NEGR1: variants seen among roughly 807,000 people sequenced by gnomAD.
NEGR1 encodes neuronal growth regulator 1.
A neutral mutation model predicts 40.9 loss-of-function variants in NEGR1; 10 were observed. The ratio of observed to expected loss-of-function variants is 0.24; its 90% CI spans 0.15 to 0.42. The LOEUF (loss-of-function observed/expected upper bound fraction) is 0.42. Among genes scored for constraint, NEGR1 ranks in the 10% least tolerant of loss-of-function variants. NEGR1 has a pLI of 1.00. For synonymous variants in NEGR1, 185 were observed against 166.8 expected (o/e 1.11, Z -0.84); for missense variants, 352 against 438.9 (o/e 0.80, Z 1.77).
At chr1:71,575,770 G>C (rs559364657) in intron 6 of NEGR1, among the ~76,000 whole-genome samples, 3 of 151,856 alleles carry the variant, frequency 2.0e-5, no homozygotes, top group African/African-American at 7.3e-5. Flanking sequence ...GCGACAGTGC[G>C]AGACTCCGGC....
chr1:71,559,369 G>C (rs1394774578), intron 6 of NEGR1, among the ~76,000 whole-genome samples: 2 of 151,352 alleles, frequency 1.3e-5, no homozygotes, highest in South Asian at 2.1e-4. Context: ...AAGTTACTTA[G>C]ATCAGCTCCT....
intron 1 of NEGR1, among the ~76,000 whole-genome samples, chr1:72,075,616 G>A (rs1647694564): frequency 6.6e-6 from 1 of 152,128 alleles, no homozygotes; most frequent in Non-Finnish European, 1.5e-5. Context: ...CTGACCATCT[G>A]GATGAATGAA....
chr1:71,593,304 T>A (rs1233186231), intron 5 of NEGR1, among the ~76,000 whole-genome samples: 2 of 151,782 alleles, frequency 1.3e-5, no homozygotes, highest in Non-Finnish European at 2.9e-5. Flanking sequence ...CAGGAAGGAG[T>A]TTAAGGGAAA....
At chr1:71,683,867 G>T (rs1307025752) in intron 4 of NEGR1, among the ~76,000 whole-genome samples, 1 of 150,980 alleles carries the variant, frequency 6.6e-6, no homozygotes, top group Non-Finnish European at 1.5e-5. Context: ...AAGAAATTAT[G>T]ACTCTTACAA....
chr1:71,418,093 G>A (rs1177860597), intron 6 of NEGR1, among the ~76,000 whole-genome samples: 3 of 123,606 alleles, frequency 2.4e-5, no homozygotes, highest in African/African-American at 6.0e-5. Flanking sequence ...TTTTTTTTGA[G>A]GCATACCACT....
intron 1 of NEGR1, among the ~76,000 whole-genome samples, chr1:72,268,602 A>G (rs1408277764): frequency 6.6e-6 from 1 of 151,494 alleles, no homozygotes; most frequent in Non-Finnish European, 1.5e-5. Flanking sequence ...TGAACTCCTG[A>G]AATAACAGAT....
At chr1:71,618,169 G>C (rs1650501893) in intron 4 of NEGR1, among the ~76,000 whole-genome samples, 1 of 152,152 alleles carries the variant, frequency 6.6e-6, no homozygotes, top group African/African-American at 2.4e-5. Context: ...CTCCCAGCTG[G>C]TGCATGATCG....
intron 2 of NEGR1, among the ~76,000 whole-genome samples, chr1:71,848,931 A>T (rs1330716591): frequency 6.6e-6 from 1 of 152,122 alleles, no homozygotes; most frequent in African/African-American, 2.4e-5. Context: ...CTCTAATAAA[A>T]ATACAAAAAT....
chr1:71,717,820 C>T (rs1017449958), intron 3 of NEGR1, among the ~76,000 whole-genome samples: 1 of 152,024 alleles, frequency 6.6e-6, no homozygotes, highest in African/African-American at 2.4e-5. Flanking sequence ...CACTGGTATC[C>T]TTATAAAAAA....
chr1:72,268,191 T>C (rs1655716900), intron 1 of NEGR1, among the ~76,000 whole-genome samples: 1 of 151,334 alleles, frequency 6.6e-6, no homozygotes, highest in Non-Finnish European at 1.5e-5. Context: ...CCATAAATTA[T>C]AGCTATATTA....
chr1:71,819,071 C>CT (rs1446610809), intron 2 of NEGR1, among the ~76,000 whole-genome samples: 1 of 151,844 alleles, frequency 6.6e-6, no homozygotes, highest in African/African-American at 2.4e-5. Flanking sequence ...TAGTGAGGGG[C>CT]TAAAGAAAGC....
intron 2 of NEGR1, among the ~76,000 whole-genome samples, chr1:71,924,686 C>G (rs1053993695): frequency 6.6e-6 from 1 of 152,114 alleles, no homozygotes; most frequent in African/African-American, 2.4e-5. Flanking sequence ...CTAACTCTGT[C>G]CCATGTAAAG....
At chr1:71,423,245 A>G (rs2101282343) in intron 6 of NEGR1, among the ~76,000 whole-genome samples, 1 of 152,192 alleles carries the variant, frequency 6.6e-6, no homozygotes, top group East Asian at 1.9e-4. Flanking sequence ...AAAAAAATTA[A>G]AAAGTGATAT....
chr1:71,990,621 T>C (rs1646440681), intron 1 of NEGR1, among the ~76,000 whole-genome samples: 1 of 152,130 alleles, frequency 6.6e-6, no homozygotes, highest in Non-Finnish European at 1.5e-5. Flanking sequence ...TTACTCCTGG[T>C]AAAATGATGA....
At chr1:71,836,726 C>T (rs1317917986) in intron 2 of NEGR1, among the ~76,000 whole-genome samples, 4 of 152,026 alleles carry the variant, frequency 2.6e-5, no homozygotes, top group African/African-American at 9.7e-5. Flanking sequence ...GTACTCCTTG[C>T]TATTGTTAAA....
rs537227004 is a variant in NEGR1 at position 71,810,840 on chromosome 1, T to C, written c.410-34543A>G. Among the ~76,000 whole-genome samples the C allele has an allele frequency of 2.0e-5, 3 of 152,262 alleles. No homozygotes were observed. The South Asian group carries it at 6.2e-4, about 32-fold the overall frequency. On this transcript the variant is annotated intron_variant, in intron 2 of 6. Transcript: ENST00000357731. ...AAGTTTCCTGAGGCCTCCCCAGCCA[T>C]GCTTCCTGTACAGCCTGTGGAACTG...
chr1:71,674,164 T>C (rs1332392834), intron 4 of NEGR1, among the ~76,000 whole-genome samples: 1 of 152,164 alleles, frequency 6.6e-6, no homozygotes, highest in Non-Finnish European at 1.5e-5. Context: ...GATATATTCT[T>C]CCCAGGTTGT....
intron 2 of NEGR1, among the ~76,000 whole-genome samples, chr1:71,841,180 C>T (rs913024056): frequency 1.3e-5 from 2 of 152,116 alleles, no homozygotes; most frequent in Non-Finnish European, 1.5e-5. Context: ...CAAGAGATCA[C>T]ATGAAGAATC....
At chr1:71,878,959 C>A (rs1478193309) in intron 2 of NEGR1, among the ~76,000 whole-genome samples, 6 of 151,892 alleles carry the variant, frequency 4.0e-5, no homozygotes, top group Non-Finnish European at 2.9e-5. Context: ...CATAGAGAAA[C>A]CCCGTCTCTA....
Sources: allele counts gnomAD v4.1 joint callset (sites outside exome capture counted in the v4.1 genomes callset), GRCh38; gene constraint gnomAD v4.1.1; transcripts MANE v1.5; gene names NCBI Gene and HGNC (gene_info 2026-07-23, HGNC 2026-07-21).